Variants in OPCML observed in about 807,000 individuals in gnomAD.
OPCML encodes opioid-binding protein/cell adhesion molecule.
In OPCML, 13 loss-of-function variants were observed where a neutral mutation model predicts 37.8. The observed-to-expected ratio is 0.34, with a 90% CI of 0.22 to 0.55. OPCML has a LOEUF of 0.55. Ranked by LOEUF, OPCML falls within the 20% of genes least tolerant of loss-of-function variation. The probability of loss-of-function intolerance (pLI) is 0.91; values close to 1 mark genes in which losing one functional copy is unlikely to be tolerated. For synonymous variants in OPCML, 176 were observed against 168.8 expected (o/e 1.04, Z -0.33); for missense variants, 341 against 435.6 (o/e 0.78, Z 1.93).
chr11:133,240,855 A>G (rs987957252), intron 1 of OPCML, among the ~76,000 whole-genome samples: 1 of 152,206 alleles, frequency 6.6e-6, no homozygotes, highest in African/African-American at 2.4e-5. Flanking sequence ...CAAATCTTTT[A>G]TTCCTCCAGG....
At chr11:133,149,639 G>T (rs1308983890) in intron 1 of OPCML, among the ~76,000 whole-genome samples, 1 of 152,184 alleles carries the variant, frequency 6.6e-6, no homozygotes, top group Admixed American at 6.5e-5. Context: ...TTGATAATCG[G>T]CTGTGGAAAC....
chr11:132,571,745 A>G (rs1326688366), intron 3 of OPCML, among the ~76,000 whole-genome samples: 1 of 152,210 alleles, frequency 6.6e-6, no homozygotes, highest in African/African-American at 2.4e-5. Flanking sequence ...AAGTGTTTAT[A>G]TCTCTTTGAG....
chr11:132,937,637 C>T (rs1360275435), intron 2 of OPCML, among the ~76,000 whole-genome samples: 1 of 129,308 alleles, frequency 7.7e-6, no homozygotes, highest in Non-Finnish European at 1.7e-5. Context: ...TGTGTGTGTG[C>T]TGGGGAGGCA....
chr11:132,594,016 A>G (rs539170186), intron 3 of OPCML, among the ~76,000 whole-genome samples: 5 of 152,324 alleles, frequency 3.3e-5, no homozygotes, highest in Admixed American at 1.3e-4. Context: ...AAAGATTAAC[A>G]AATTTGATTA....
chr11:132,904,131 G>A (rs771219512), intron 2 of OPCML, among the ~76,000 whole-genome samples: 2 of 152,056 alleles, frequency 1.3e-5, no homozygotes, highest in African/African-American at 2.4e-5. Context: ...GAGAAGAGAT[G>A]GACTCACACT....
chr11:132,878,137 G>T (rs1484009167), intron 2 of OPCML, among the ~76,000 whole-genome samples: 1 of 151,358 alleles, frequency 6.6e-6, no homozygotes, highest in African/African-American at 2.4e-5. Context: ...AGCAGAGATC[G>T]CACTACTGTA....
At chr11:132,636,981 C>A (rs925415230) in intron 3 of OPCML, among the ~76,000 whole-genome samples, 1 of 152,078 alleles carries the variant, frequency 6.6e-6, no homozygotes, top group Non-Finnish European at 1.5e-5. Flanking sequence ...GCTTTGTTGG[C>A]GAGACTGTTT....
chr11:133,005,007 T>C, intron 1 of OPCML: 2 of 985,278 alleles, frequency 2.0e-6, no homozygotes, highest in Non-Finnish European at 1.2e-6. Context: ...ACTCCTCCCA[T>C]CCCTCCTTTC....
chr11:133,510,021 G>A (rs979085880), intron 1 of OPCML, among the ~76,000 whole-genome samples: 1 of 152,198 alleles, frequency 6.6e-6, no homozygotes, highest in African/African-American at 2.4e-5. Context: ...AAGTCTTTAA[G>A]TGGAGAGTTC....
chr11:133,404,059 G>A (rs1057294374), intron 1 of OPCML, among the ~76,000 whole-genome samples: 2 of 152,222 alleles, frequency 1.3e-5, no homozygotes, highest in African/African-American at 4.8e-5. Context: ...TAGAGGCCCG[G>A]AGGGAGAACC....
chr11:132,822,139 C>T (rs1295838417), intron 2 of OPCML, among the ~76,000 whole-genome samples: 2 of 152,070 alleles, frequency 1.3e-5, no homozygotes, highest in Admixed American at 1.3e-4. Flanking sequence ...TGATACACTC[C>T]CTGGGACTCC....
intron 2 of OPCML, among the ~76,000 whole-genome samples, chr11:132,680,541 C>T (rs1942897495): frequency 6.6e-6 from 1 of 152,124 alleles, no homozygotes; most frequent in Non-Finnish European, 1.5e-5. Context: ...AGAAAAAGGC[C>T]CTGGCTGCAG....
intron 1 of OPCML, among the ~76,000 whole-genome samples, chr11:133,032,732 C>G (rs2136927288): frequency 6.6e-6 from 1 of 152,310 alleles, no homozygotes; most frequent in South Asian, 2.1e-4. Context: ...TGAGCAGCCC[C>G]CAGTTATCAC....
At position 133,491,423 on chromosome 11, in the gene OPCML, AGAG is replaced by A. The variant is rs775119095; in HGVS notation, c.61+40838_61+40840del. Among the ~76,000 whole-genome samples, 8 of 152,282 alleles carry A rather than the reference AGAG, an allele frequency of 5.3e-5. No individual in the cohort carries two copies. The East Asian group carries it at 1.4e-3, about 26-fold the overall frequency. On this transcript the variant is annotated intron_variant, in intron 1 of 7. Coordinates refer to ENST00000524381, the MANE Select transcript of OPCML (RefSeq NM_001012393.5). ...CGATTTCACTGTAACGGTCCTCTTG[AGAG>A]GAGAAGAGGCTGGGCTGGGAACATT...
At chr11:132,900,547 T>C (rs2136497293) in intron 2 of OPCML, among the ~76,000 whole-genome samples, 1 of 152,230 alleles carries the variant, frequency 6.6e-6, no homozygotes, top group South Asian at 2.1e-4. Context: ...ATGTCATCAT[T>C]CTCCCCTCAG....
At position 132,943,568 on chromosome 11, in the gene OPCML, G is replaced by A; in HGVS notation, c.62-558C>T. 1 of 179,956 alleles carries A rather than the reference G, an allele frequency of 5.6e-6. No homozygotes were observed. The highest frequency in any genetic ancestry group is 1.2e-5 in the Non-Finnish European group (1 of 82,846). The allele number at this position is 179,956 out of a possible 1,614,324, so 11.1% of individuals were successfully genotyped here. A position where few individuals can be genotyped will look rare whatever the true frequency, so the allele number is the denominator to read the frequency against. ...ATAAAAAGCTGCGGCTTCAAGGAGA[G>A]GAGGAAATGGTTTATTAGATCACAC... On this transcript the variant is annotated intron_variant, in intron 1 of 7. Transcript: ENST00000524381. The surrounding 1 kb of genome is among the most constrained non-coding windows in gnomAD (Gnocchi z 4.3).
At chr11:132,480,158 A>G (rs1314321890) in intron 4 of OPCML, among the ~76,000 whole-genome samples, 1 of 152,168 alleles carries the variant, frequency 6.6e-6, no homozygotes, top group Non-Finnish European at 1.5e-5. Flanking sequence ...AATAACCAAT[A>G]CAGAGAAGTG....
chr11:132,596,984 C>T (rs2096493408), intron 3 of OPCML, among the ~76,000 whole-genome samples: 1 of 152,156 alleles, frequency 6.6e-6, no homozygotes. Context: ...TATATCACCA[C>T]CCTCACCCCC....
intron 3 of OPCML, among the ~76,000 whole-genome samples, chr11:132,627,792 G>T (rs1939837352): frequency 1.3e-5 from 2 of 152,176 alleles, no homozygotes; most frequent in African/African-American, 4.8e-5. Context: ...CAAGTTAAAG[G>T]GAAAGCTGAT....
Sources: gnomAD v4.1 joint callset for allele counts (sites outside exome capture counted in the v4.1 genomes callset) on GRCh38, gnomAD v4.1.1 for gene constraint, Gnocchi (gnomAD v3.1) non-coding constraint, MANE v1.5 for transcripts, NCBI Gene and HGNC (gene_info 2026-07-23, HGNC 2026-07-21) for gene names.